The following ST18 variants were observed in gnomAD, a reference collection of about 807,000 sequenced individuals.
The protein encoded by ST18 is ST18 C2H2C-type zinc finger transcription factor, also known as suppression of tumorigenicity 18 protein.
ST18 carries 50 observed loss-of-function variants against 110.0 expected under a neutral mutation model. The ratio of observed to expected loss-of-function variants is 0.45; its 90% CI spans 0.36 to 0.58. ST18 has a LOEUF of 0.58. ST18 is among the 20% of genes least tolerant of loss of function. The pLI is 0.00. For missense variants in ST18, 1,306 were observed against 1,280.1 expected (o/e 1.02, Z -0.31); for synonymous variants, 461 against 452.4 (o/e 1.02, Z -0.24).
chr8:52,347,821 C>G (rs924822760), intron 2 of ST18, among the ~76,000 whole-genome samples: 1 of 152,226 alleles, frequency 6.6e-6, no homozygotes. Context: ...TCCACCTCCT[C>G]TGGCTTTGAG....
chr8:52,227,286 G>A (rs1031054885), intron 3 of ST18, among the ~76,000 whole-genome samples: 3 of 152,066 alleles, frequency 2.0e-5, no homozygotes, highest in African/African-American at 2.4e-5. Flanking sequence ...CTAGACAGTG[G>A]GCATAAAAGG....
At chr8:52,393,889 A>G (rs1252752743) in intron 2 of ST18, 1 of 152,158 alleles carries the variant, frequency 6.6e-6, no homozygotes, top group African/African-American at 2.4e-5. Flanking sequence ...TCTCAAAAAA[A>G]AAAAAAAAAA....
chr8:52,150,599 G>T lies in ST18; in HGVS notation c.1807-622C>A, dbSNP rs192064840. ...GGGCAGGGAGAGGGAGGCAGGGAGT[G>T]CAAACCATGCTTCAAACCGGTGGTG... On this transcript the variant is annotated intron_variant, in intron 15 of 25. Coordinates refer to ENST00000689386, the MANE Select transcript of ST18 (RefSeq NM_001352837.2). Among the ~76,000 whole-genome samples, 32 of 152,280 alleles carry T rather than the reference G, an allele frequency of 2.1e-4. No homozygotes were observed. In the East Asian group the frequency reaches 5.2e-3, roughly 25 times the overall value.
At chr8:52,135,588 A>AAAAG (rs1563607004) in intron 19 of ST18, among the ~76,000 whole-genome samples, 3 of 150,312 alleles carry the variant, frequency 2.0e-5, no homozygotes. Context: ...AAAAAAAAAA[A>AAAAG]AAAGAAAGAA....
intron 2 of ST18, among the ~76,000 whole-genome samples, chr8:52,268,500 T>TATCTATC (rs149724637): frequency 2.0e-5 from 3 of 147,192 alleles, no homozygotes; most frequent in Non-Finnish European, 3.0e-5. Flanking sequence ...TCTATCTATC[T>TATCTATC]ATCTATCTAT....
At chr8:52,375,490 T>A (rs778607248) in intron 2 of ST18, among the ~76,000 whole-genome samples, 13 of 152,160 alleles carry the variant, frequency 8.5e-5, no homozygotes, top group Non-Finnish European at 1.3e-4. Flanking sequence ...TAACTCTCTC[T>A]TCTCTTAGCT....
chr8:52,230,515 C>G (rs1159239351), intron 2 of ST18, among the ~76,000 whole-genome samples: 2 of 152,070 alleles, frequency 1.3e-5, no homozygotes, highest in African/African-American at 2.4e-5. Flanking sequence ...GGTTAATTAC[C>G]TTTCACTGCT....
At chr8:52,201,817 G>A (rs1237086965) in intron 8 of ST18, among the ~76,000 whole-genome samples, 8 of 152,154 alleles carry the variant, frequency 5.3e-5, no homozygotes, top group Admixed American at 4.6e-4. Flanking sequence ...GGGATGGGCG[G>A]TGGGCTCATT....
chr8:52,377,980 A>C (rs912974111), intron 2 of ST18, among the ~76,000 whole-genome samples: 1 of 152,238 alleles, frequency 6.6e-6, no homozygotes, highest in African/African-American at 2.4e-5. Context: ...ATTATAATTC[A>C]GGAATAGAAA....
intron 2 of ST18, among the ~76,000 whole-genome samples, chr8:52,270,935 C>T (rs941866957): frequency 2.6e-5 from 4 of 151,034 alleles, no homozygotes; most frequent in Non-Finnish European, 4.4e-5. Flanking sequence ...GATGGAGTCT[C>T]GCTCTGTCAC....
intron 2 of ST18, chr8:52,302,023 C>T (rs62499821): frequency 0.13 from 19,400 of 152,250 alleles, 1,524 homozygotes; most frequent in Middle Eastern, 0.25. Flanking sequence ...AGATGGCTTC[C>T]CTCAGAGGGG....
intron 2 of ST18, among the ~76,000 whole-genome samples, chr8:52,387,203 T>C (rs1391233489): frequency 6.6e-6 from 1 of 152,174 alleles, no homozygotes; most frequent in African/African-American, 2.4e-5. Context: ...AGTCCAGAGA[T>C]TTTAAAATGT....
chr8:52,195,581 T>C (rs2075942167), intron 8 of ST18, among the ~76,000 whole-genome samples: 1 of 152,142 alleles, frequency 6.6e-6, no homozygotes, highest in Non-Finnish European at 1.5e-5. Flanking sequence ...ATATTTAAAA[T>C]AATCTTAAAA....
intron 8 of ST18, among the ~76,000 whole-genome samples, chr8:52,210,606 C>T (rs1484828666): frequency 2.6e-5 from 4 of 151,954 alleles, no homozygotes; most frequent in Non-Finnish European, 4.4e-5. Flanking sequence ...TGCAGCAAAC[C>T]ATGATTGCAC....
chr8:52,115,257 T>C (rs532043009), intron 25 of ST18, among the ~76,000 whole-genome samples: 86 of 152,318 alleles, frequency 5.6e-4, no homozygotes, highest in African/African-American at 1.9e-3. Context: ...AAAATAGGCA[T>C]CTTTGGAAAA....
chr8:52,319,102 TA>T (rs1413429522), intron 2 of ST18, among the ~76,000 whole-genome samples: 1 of 151,980 alleles, frequency 6.6e-6, no homozygotes, highest in Non-Finnish European at 1.5e-5. Context: ...GTTGGAAATT[TA>T]AAAAAAATTA....
chr8:52,276,215 ATAATTACACAC>A (rs2139037808), intron 2 of ST18, among the ~76,000 whole-genome samples: 1 of 1,122 alleles, frequency 8.9e-4, no homozygotes, highest in Non-Finnish European at 2.3e-3. Flanking sequence ...CATATACCAC[ATAATTACACAC>A]TACACACACC....
At chr8:52,141,756 G>A (rs1406227620) in intron 17 of ST18, among the ~76,000 whole-genome samples, 1 of 152,148 alleles carries the variant, frequency 6.6e-6, no homozygotes, top group Non-Finnish European at 1.5e-5. Flanking sequence ...CTAATTCCTA[G>A]AGAGCTTAGG....
intron 15 of ST18, among the ~76,000 whole-genome samples, chr8:52,156,213 C>T (rs1227361378): frequency 4.6e-5 from 7 of 152,226 alleles, no homozygotes. Context: ...AAGTCTATGA[C>T]TGACCCTAAC....
Sources: gnomAD v4.1 joint callset for allele counts (sites outside exome capture counted in the v4.1 genomes callset) on GRCh38, gnomAD v4.1.1 for gene constraint, MANE v1.5 for transcripts, NCBI Gene and HGNC (gene_info 2026-07-23, HGNC 2026-07-21) for gene names.